The following KLHL26 variants were observed in gnomAD, a reference collection of about 807,000 sequenced individuals.
KLHL26 encodes the protein kelch like family member 26.
Under a neutral mutation model 7.1 loss-of-function variants are expected in KLHL26, and 4 were observed. That is an observed-to-expected ratio of 0.56 (90% CI 0.28 to 1.28). The LOEUF is 1.28. KLHL26 is among the 50% of genes most tolerant of loss of function. The pLI, the probability that KLHL26 is intolerant of heterozygous loss-of-function variation, is 0.11. For synonymous variants in KLHL26, 465 were observed against 414.1 expected (o/e 1.12, Z -1.49); for missense variants, 896 against 924.6 (o/e 0.97, Z 0.40).
Position 18,667,772 on chromosome 19 carries a change from G to T in KLHL26, c.375G>T (p.Glu125Asp), listed in dbSNP as rs1296443498. 4 of 1,613,398 alleles carry T rather than the reference G, an allele frequency of 2.5e-6. No homozygotes were observed. Among genetic ancestry groups the T allele is most frequent in the Non-Finnish European group, 2.5e-6 (3 of 1,180,002 alleles). ...RHIIDFAYSA[E>D]VTLDLDCVQD... ...TCATCGACTTCGCCTACAGCGCCGA[G>T]GTGACACTGGACCTGGACTGCGTGC... Residue 125 changes from glutamate (E) to aspartate (D), a missense_variant, in exon 3 of 3, where the codon GAG (glutamate) becomes GAT (aspartate). Coordinates refer to ENST00000300976, the MANE Select transcript of KLHL26 (RefSeq NM_018316.3).
At position 18,656,576 on chromosome 19, in the gene KLHL26, A is replaced by T. The variant is rs896251483; in HGVS notation, c.84-7685A>T. ...GACAGGCAGGGAATGGCTCCAGATC[A>T]GGAGGCTGGGAGGAAGGGGAAGGCC... is the stretch of plus-strand genomic sequence containing the variant. On this transcript the variant is annotated intron_variant, in intron 1 of 2. Coordinates refer to ENST00000300976, the MANE Select transcript of KLHL26 (RefSeq NM_018316.3). This position sits in a 1 kb window ranked among gnomAD's most constrained non-coding sequence, Gnocchi z 4.4. 4.6e-5 allele frequency among the ~76,000 whole-genome samples: 7 copies of T among 152,144 alleles called. No homozygotes were observed. The highest frequency in any genetic ancestry group is 1.0e-4 in the Non-Finnish European group (7 of 68,014).
At position 18,648,098 on chromosome 19, in the gene KLHL26, G is replaced by T. The variant is rs1976837682; in HGVS notation, c.83+10961G>T. ...AGGATCCCTCTGTAGGCCGGGTGTGGTGGCTCACACCTGTATTCCCAGCAC... is the reference window on the plus strand; with the variant it reads ...AGGATCCCTCTGTAGGCCGGGTGTGTTGGCTCACACCTGTATTCCCAGCAC... On this transcript the variant is annotated intron_variant, in intron 1 of 2. Coordinates refer to ENST00000300976, the MANE Select transcript of KLHL26 (RefSeq NM_018316.3). The surrounding 1 kb of genome is among the most constrained non-coding windows in gnomAD (Gnocchi z 4.9). Among the ~76,000 whole-genome samples, 2 of 152,220 alleles carry T rather than the reference G, an allele frequency of 1.3e-5. No homozygotes were observed.
At position 18,665,612 on chromosome 19, in the gene KLHL26, C is replaced by A. The variant is rs141472784; in HGVS notation, c.266+1169C>A. On this transcript the variant is annotated intron_variant, in intron 2 of 2. Transcript: ENST00000300976. The stretch of plus-strand genomic sequence containing the variant: ...TCTCCCTGAGCTGTGGGCACTTCCC[C>A]AACGTGACAGAAGAGGCCATGGCGG... Among the ~76,000 whole-genome samples the A allele has an allele frequency of 3.9e-3, 595 of 152,352 alleles. 2 individuals are homozygous for A. Among genetic ancestry groups the A allele is most frequent in the Non-Finnish European group, 6.5e-3 (444 of 68,036 alleles).
rs762176652 is a variant in KLHL26, at chr19:18,668,593, T to C, written c.1196T>C (p.Met399Thr). ...AATCGCTGGCTGCGCCTGCAGGCCA[T>C]GCAGGAAAGCCGCATCCAGTTCCAG... The part of the protein sequence containing the change: ...HLNRWLRLQA[M>T]QESRIQFQLN... The change falls in exon 3 of 3, where the codon ATG becomes ACG. Residue 399 changes from methionine (M) to threonine (T), a missense_variant. Met to Thr is a moderately conservative substitution (Grantham distance 81, BLOSUM62 -1). Transcript: ENST00000300976. 2.5e-6 allele frequency: 4 copies of C among 1,589,890 alleles called. No individual in the cohort carries two copies. Among genetic ancestry groups the C allele is most frequent in the East Asian group, 2.2e-5 (1 of 44,458 alleles).
At position 18,648,285 on chromosome 19, in the gene KLHL26, G is replaced by A. The variant is rs1325086325; in HGVS notation, c.83+11148G>A. On this transcript the variant is annotated intron_variant, in intron 1 of 2. Coordinates refer to ENST00000300976, the MANE Select transcript of KLHL26 (RefSeq NM_018316.3). This position sits in a 1 kb window ranked among gnomAD's most constrained non-coding sequence, Gnocchi z 4.9. ...CTCTGGAGGCTGAGGCACGAGAGTC[G>A]ATTGAACCCAGGAGCCGAGATTGCA... Among the ~76,000 whole-genome samples the A allele has an allele frequency of 6.6e-6, 1 of 152,132 alleles. No individual in the cohort carries two copies. The highest frequency in any genetic ancestry group is 6.5e-5 in the Admixed American group (1 of 15,276).
intron 1 of KLHL26, 101 bp from the exon 2 acceptor site, chr19:18,664,160 G>A (rs1481151642): frequency 9.1e-6 from 10 of 1,097,394 alleles, no homozygotes; most frequent in Non-Finnish European, 1.3e-5. Context: ...CATACACAGT[G>A]CGGCCTTTTG....
rs1177877756 is a variant in KLHL26, at chr19:18,649,926, T to C, written c.83+12789T>C. Among the ~76,000 whole-genome samples the C allele has an allele frequency of 6.6e-6, 1 of 152,220 alleles. No homozygotes were observed. The highest frequency in any genetic ancestry group is 1.5e-5 in the Non-Finnish European group (1 of 68,044). On this transcript the variant is annotated intron_variant, in intron 1 of 2. Transcript: ENST00000300976. This position sits in a 1 kb window ranked among gnomAD's most constrained non-coding sequence, Gnocchi z 4.0. The stretch of plus-strand genomic sequence containing the variant: ...ACCCCTCACTGCGCAGCGGAGTGCC[T>C]GATCGCTCTGTGTGCACCACCACGG...
chr19:18,667,917 A>G lies in KLHL26; in HGVS notation c.520A>G (p.Thr174Ala). 6.2e-7 allele frequency: 1 copy of G among 1,611,900 alleles called. No homozygotes were observed. The highest frequency in any genetic ancestry group is 1.1e-5 in the South Asian group (1 of 91,082). The change falls in exon 3 of 3, where the codon ACC becomes GCC. Residue 174 changes from threonine to alanine, a missense_variant. Coordinates refer to ENST00000300976, the MANE Select transcript of KLHL26 (RefSeq NM_018316.3). ...TCLNIGQMAT[T>A]FSLASLRESV... ...CCTCAACATCGGCCAGATGGCCACC[A>G]CCTTCAGCCTGGCCTCGCTGCGAGA... is the stretch of plus-strand genomic sequence containing the variant.
intron 1 of KLHL26, among the ~76,000 whole-genome samples, chr19:18,662,433 G>A (rs961690644): frequency 2.0e-5 from 3 of 152,188 alleles, no homozygotes; most frequent in Non-Finnish European, 4.4e-5. Flanking sequence ...CCCATTGCCT[G>A]GACCGCGTGC....
chr19:18,668,920 G>T lies in KLHL26; in HGVS notation c.1523G>T (p.Gly508Val). The T allele has an allele frequency of 6.2e-7, 1 of 1,606,864 alleles. No individual in the cohort carries two copies. The change falls in exon 3 of 3, where the codon GGC becomes GTC. Residue 508 changes from glycine (G) to valine (V), a missense_variant. Transcript: ENST00000300976. The stretch of plus-strand genomic sequence containing the variant: ...CTACACGCCATGGTGGGTGCCGGCG[G>T]CCGCATCTATGCCCTCGGGGGCCGC... ...RVLHAMVGAG[G>V]RIYALGGRMD... is the part of the protein sequence containing the mutation.
intron 2 of KLHL26, 52 bp downstream of exon 2, chr19:18,664,495 G>A: frequency 6.9e-7 from 1 of 1,453,642 alleles, no homozygotes; most frequent in South Asian, 1.3e-5. Flanking sequence ...TTGGGACAGG[G>A]ACAGGGCAGA....
At chr19:18,647,958 G>A (rs892779267) in intron 1 of KLHL26, among the ~76,000 whole-genome samples, 4 of 152,224 alleles carry the variant, frequency 2.6e-5, no homozygotes, top group Admixed American at 6.5e-5. Flanking sequence ...CCCATGGGGC[G>A]CATACATGCC....
intron 1 of KLHL26, among the ~76,000 whole-genome samples, chr19:18,653,989 A>G (rs1415169163): frequency 2.1e-5 from 1 of 46,884 alleles, no homozygotes; most frequent in Admixed American, 3.3e-4. Context: ...CCACGCTTCC[A>G]TCAGTCCACT....
chr19:18,669,210 C>G lies in KLHL26; in HGVS notation c.1813C>G (p.Pro605Ala), dbSNP rs371571391. Reference protein sequence around the residue: ...PESFAGIACAPVLLPRAGTRR With the variant: ...PESFAGIACAAVLLPRAGTRR The stretch of plus-strand genomic sequence containing the variant: ...GTCCTTCGCAGGCATAGCCTGCGCC[C>G]CCGTCCTGCTGCCCCGGGCCGGGAC... Residue 605 changes from proline to alanine, a missense_variant, in exon 3 of 3, where the codon CCC (proline) becomes GCC (alanine). Coordinates refer to ENST00000300976, the MANE Select transcript of KLHL26 (RefSeq NM_018316.3). 1 of 1,611,768 alleles carries G rather than the reference C, an allele frequency of 6.2e-7. No homozygotes were observed. The highest frequency in any genetic ancestry group is 8.5e-7 in the Non-Finnish European group (1 of 1,179,858).
At chr19:18,637,230 C>T (rs1976635567) in intron 1 of KLHL26, 93 bp downstream of exon 1, 3 of 1,180,132 alleles carry the variant, frequency 2.5e-6, no homozygotes, top group Non-Finnish European at 3.2e-6. Flanking sequence ...TGAGGGGAGG[C>T]CTGGCACGGC....
intron 1 of KLHL26, among the ~76,000 whole-genome samples, chr19:18,638,120 C>T (rs1248194715): frequency 6.6e-6 from 1 of 152,214 alleles, no homozygotes; most frequent in Non-Finnish European, 1.5e-5. Flanking sequence ...TAGCCCAGCA[C>T]CCAGGTCAGG....
At chr19:18,651,255 A>T (rs1032621292) in intron 1 of KLHL26, among the ~76,000 whole-genome samples, 1 of 152,076 alleles carries the variant, frequency 6.6e-6, no homozygotes, top group Non-Finnish European at 1.5e-5. Flanking sequence ...TAGCCTGCCA[A>T]CACCACCAGG....
At chr19:18,667,433 T>G (rs2052459998) in intron 2 of KLHL26, 1 of 618,006 alleles carries the variant, frequency 1.6e-6, no homozygotes, top group African/African-American at 1.8e-5. Context: ...CTCGATCTCC[T>G]GATCTCATGA....
chr19:18,660,693 C>T (rs2052383872), intron 1 of KLHL26, among the ~76,000 whole-genome samples: 1 of 152,188 alleles, frequency 6.6e-6, no homozygotes, highest in Non-Finnish European at 1.5e-5. Flanking sequence ...GGGACTCCTG[C>T]CCCTCCTGGC....
Sources: allele counts gnomAD v4.1 joint callset (sites outside exome capture counted in the v4.1 genomes callset), GRCh38; gene constraint gnomAD v4.1.1; non-coding constraint Gnocchi (gnomAD v3.1); transcripts MANE v1.5; gene names NCBI Gene and HGNC (gene_info 2026-07-23, HGNC 2026-07-21).